The following ARHGEF17 variants were observed in gnomAD, a reference collection of about 807,000 sequenced individuals.
ARHGEF17 encodes 164 kDa Rho-specific guanine-nucleotide exchange factor.
In ARHGEF17, 80 loss-of-function variants were observed where a neutral mutation model predicts 174.0. The observed-to-expected ratio is 0.46, with a 90% CI of 0.38 to 0.55. ARHGEF17 has a LOEUF of 0.55. ARHGEF17 is among the 20% of genes least tolerant of loss of function. The pLI, the probability that ARHGEF17 is intolerant of heterozygous loss-of-function variation, is 0.00. For missense variants in ARHGEF17, 2,886 were observed against 2,839.7 expected, an observed-to-expected ratio of 1.02 and a Z score of -0.37; for synonymous variants, 1,311 against 1,189.1, an observed-to-expected ratio of 1.10 and a Z score of -2.11.
In ARHGEF17 at chr11:73,362,582, C is replaced by T. The variant is rs751091512; in HGVS notation, c.4844C>T (p.Ser1615Leu). The T allele has an allele frequency of 2.5e-6, 4 of 1,610,146 alleles. No individual in the cohort carries two copies. The highest frequency in any genetic ancestry group is 1.3e-5 in the African/African-American group (1 of 74,946). Residue 1615 changes from serine (S) to leucine (L), a missense_variant, in exon 14 of 21, where the codon TCG becomes TTG. Coordinates refer to ENST00000263674, the MANE Select transcript of ARHGEF17 (RefSeq NM_014786.4). ...QPCLHISIAG[S>L]GLEMTPGLGE... ...TGCCTTCACATCTCCATTGCAGGCT[C>T]GGGCTTGGAGATGACGCCGGGCCTC... is the stretch of plus-strand genomic sequence containing the variant.
rs763499115 is a variant in ARHGEF17, at chr11:73,364,242, G to A, written c.5401+3G>A. On this transcript the variant is annotated splice_donor_region_variant and intron_variant, in intron 17 of 20. Transcript: ENST00000263674. ...TGTGGTCTACCAAAGGGAAGCAGGT[G>A]AGTATCTGCCCTCCCCCACACCCTG... is the stretch of plus-strand genomic sequence containing the variant. 5 of 1,614,044 alleles carry A rather than the reference G, an allele frequency of 3.1e-6. No homozygotes were observed. In the Middle Eastern group the frequency reaches 4.9e-4, roughly 160 times the overall value.
rs1252858507 is a variant in ARHGEF17 at position 73,355,911 on chromosome 11, C to G, written c.3621C>G (p.Ile1207Met). 1 of 1,614,188 alleles carries G rather than the reference C, an allele frequency of 6.2e-7. No homozygotes were observed. Among genetic ancestry groups the G allele is most frequent in the Non-Finnish European group, 8.5e-7 (1 of 1,180,038 alleles). ...AGCAGGCGCTGTCTGACCTCATGATCAAGCCTGTGCAGCGGATCCCACGCT... is the reference window on the plus strand; with the variant it reads ...AGCAGGCGCTGTCTGACCTCATGATGAAGCCTGTGCAGCGGATCCCACGCT... ...KEKQALSDLM[I>M]KPVQRIPRYE... is the part of the protein sequence containing the mutation. The change falls in exon 5 of 21, where the codon ATC (isoleucine) becomes ATG (methionine). Residue 1207 changes from isoleucine (I) to methionine (M), a missense_variant. Physicochemically the swap from Ile to Met is conservative, Grantham distance 10. Transcript: ENST00000263674.
rs374814851 is a variant in ARHGEF17 at position 73,310,671 on chromosome 11, C to T, written c.2033C>T (p.Thr678Met). The stretch of plus-strand genomic sequence containing the variant: ...CCTCTTTCCTCATCCTCGGCCCAGA[C>T]GAACCACCATGGCCCTGGGACTGAG... The part of the protein sequence containing the change: ...WRPLSSSSAQ[T>M]NHHGPGTEDS... The change falls in exon 1 of 21, where the codon ACG becomes ATG. Residue 678 changes from threonine to methionine, a missense_variant. Thr to Met is a moderately conservative substitution (Grantham distance 81). Around this residue, in one of 4 missense-constraint regions of ARHGEF17, gnomAD observed 1,728 missense variants for 1,461.2 expected, o/e 1.18. Coordinates refer to ENST00000263674, the MANE Select transcript of ARHGEF17 (RefSeq NM_014786.4). 4 of 1,613,936 alleles carry T rather than the reference C, an allele frequency of 2.5e-6. No homozygotes were observed. The highest frequency in any genetic ancestry group is 2.2e-5 in the East Asian group (1 of 44,880).
rs906348679 is a variant in ARHGEF17, at chr11:73,367,990, G to A, written c.*210G>A. On this transcript the variant is annotated 3_prime_UTR_variant, in exon 21 of 21. Transcript: ENST00000263674. ...CTTCTCCCGACCCTCTGGCTGCCCC[G>A]GTGCTTCCAGTCATGATCGGGTGGG... 3.3e-5 allele frequency: 18 copies of A among 542,778 alleles called. No individual in the cohort carries two copies. Among genetic ancestry groups the A allele is most frequent in the Admixed American group, 9.8e-5 (3 of 30,694 alleles). The allele number at this position is 542,778 out of a possible 1,614,324, so 33.6% of individuals were successfully genotyped here. A position where few individuals can be genotyped will look rare whatever the true frequency, so the allele number is the denominator to read the frequency against.
intron 11 of ARHGEF17, among the ~76,000 whole-genome samples, chr11:73,360,753 T>C (rs1315433410): frequency 6.6e-6 from 1 of 152,176 alleles, no homozygotes; most frequent in Non-Finnish European, 1.5e-5. Context: ...TCTCACTGTC[T>C]GCTGGACCTG....
chr11:73,352,287 G>C (rs1053310211), intron 2 of ARHGEF17, among the ~76,000 whole-genome samples: 1 of 152,162 alleles, frequency 6.6e-6, no homozygotes, highest in African/African-American at 2.4e-5. Context: ...TCGCACCACC[G>C]CACTCCAGCC....
In ARHGEF17 at chr11:73,364,444, C is replaced by G. The variant is rs762590642; in HGVS notation, c.5402-8C>G. ...AGTGAATTTCCTGTTTTCTTTACCCCACTCCAGGCCATTTCTGGGACCCCC... is the reference window on the plus strand; with the variant it reads ...AGTGAATTTCCTGTTTTCTTTACCCGACTCCAGGCCATTTCTGGGACCCCC... On this transcript the variant is annotated splice_region_variant and splice_polypyrimidine_tract_variant and intron_variant, in intron 17 of 20. Coordinates refer to ENST00000263674, the MANE Select transcript of ARHGEF17 (RefSeq NM_014786.4). 1.4e-5 allele frequency: 22 copies of G among 1,613,100 alleles called. No individual in the cohort carries two copies. In the Admixed American group the frequency reaches 3.3e-4, roughly 24 times the overall value.
chr11:73,331,872 TTTC>T (rs1445505927), intron 1 of ARHGEF17, among the ~76,000 whole-genome samples: 1 of 151,874 alleles, frequency 6.6e-6, no homozygotes, highest in African/African-American at 2.4e-5. Flanking sequence ...GTGGAGGAAA[TTTC>T]TTCCTGAGGT....
chr11:73,357,012 T>C lies in ARHGEF17; in HGVS notation c.3892-13T>C. 3 of 1,613,882 alleles carry C rather than the reference T, an allele frequency of 1.9e-6. No homozygotes were observed. Among genetic ancestry groups the C allele is most frequent in the Non-Finnish European group, 2.5e-6 (3 of 1,179,826 alleles). On this transcript the variant is annotated splice_polypyrimidine_tract_variant and intron_variant, in intron 7 of 20. Coordinates refer to ENST00000263674, the MANE Select transcript of ARHGEF17 (RefSeq NM_014786.4). ...GTGTCCACCCAGCCTGAATTCTGCC[T>C]TGGGCTCCACAGAAGGCGATCGGTG... is the stretch of plus-strand genomic sequence containing the variant.
At position 73,368,565 on chromosome 11, in the gene ARHGEF17, T is replaced by G. The variant is rs780734798; in HGVS notation, c.*785T>G. The G allele has an allele frequency of 6.6e-6, 1 of 152,210 alleles. No homozygotes were observed. The highest frequency in any genetic ancestry group is 2.4e-5 in the African/African-American group (1 of 41,428). The allele number at this position is 152,210 out of a possible 1,614,324, so 9.4% of individuals were successfully genotyped here. A position where few individuals can be genotyped will look rare whatever the true frequency, so the allele number is the denominator to read the frequency against. Reference sequence around the variant, plus strand: ...GTGGTGCCTTTAGTGGTTCCCTAATTTGGGAACACTGATGGGGCCTTGGAC... The same window carrying G: ...GTGGTGCCTTTAGTGGTTCCCTAATGTGGGAACACTGATGGGGCCTTGGAC... On this transcript the variant is annotated 3_prime_UTR_variant, in exon 21 of 21. Transcript: ENST00000263674.
At chr11:73,326,412 C>T (rs1865102385) in intron 1 of ARHGEF17, among the ~76,000 whole-genome samples, 1 of 152,150 alleles carries the variant, frequency 6.6e-6, no homozygotes, top group Non-Finnish European at 1.5e-5. Context: ...AAAGCCTGGA[C>T]TTGATCCCAG....
chr11:73,362,421 G>T lies in ARHGEF17; in HGVS notation c.4695-12G>T. 2.0e-6 allele frequency: 3 copies of T among 1,537,360 alleles called. No homozygotes were observed. The highest frequency in any genetic ancestry group is 8.7e-7 in the Non-Finnish European group (1 of 1,147,808). On this transcript the variant is annotated splice_polypyrimidine_tract_variant and intron_variant, in intron 13 of 20. Coordinates refer to ENST00000263674, the MANE Select transcript of ARHGEF17 (RefSeq NM_014786.4). ...TCGTAGCTGCTGTCATCCTCACTCC[G>T]TCTTCTCGCAGGGAGCCTCCTCCGT...
intron 9 of ARHGEF17, among the ~76,000 whole-genome samples, 179 bp downstream of exon 9, chr11:73,357,506 G>A (rs1865665155): frequency 6.6e-6 from 1 of 152,242 alleles, no homozygotes; most frequent in African/African-American, 2.4e-5. Flanking sequence ...CATGGAGCCA[G>A]ACAGTCTGTC....
intron 1 of ARHGEF17, among the ~76,000 whole-genome samples, chr11:73,344,304 C>G (rs141430737): frequency 5.9e-4 from 90 of 152,368 alleles, no homozygotes; most frequent in Admixed American, 1.7e-3. Flanking sequence ...GAGGGCTGCT[C>G]GCGCAGTGAC....
Position 73,343,235 on chromosome 11 carries a change from C to T in ARHGEF17, c.3193-3648C>T. 1.3e-5 allele frequency: 5 copies of T among 398,658 alleles called. No individual in the cohort carries two copies. The East Asian group carries it at 1.8e-4, about 14-fold the overall frequency. The allele number at this position is 398,658 out of a possible 1,614,324, so 24.7% of individuals were successfully genotyped here. ...CAGCCGCCGCCTCCGGGGAGCCTGCCGGGGGCAGCAGCACTGACGCCGAGG... is the reference window on the plus strand; with the variant it reads ...CAGCCGCCGCCTCCGGGGAGCCTGCTGGGGGCAGCAGCACTGACGCCGAGG... On this transcript the variant is annotated intron_variant, in intron 1 of 20. Transcript: ENST00000263674.
chr11:73,348,768 A>G (rs895334734), intron 2 of ARHGEF17, among the ~76,000 whole-genome samples: 3 of 152,224 alleles, frequency 2.0e-5, no homozygotes, highest in Admixed American at 1.3e-4. Context: ...ATTTTATATT[A>G]TATGTATTTT....
chr11:73,350,190 C>T (rs56151449), intron 2 of ARHGEF17, among the ~76,000 whole-genome samples: 2,394 of 152,252 alleles, frequency 0.016, 81 homozygotes, highest in African/African-American at 0.055. Context: ...ATTCTTTATA[C>T]AAAGAAACGA....
In ARHGEF17 at chr11:73,365,379, G is replaced by T; in HGVS notation, c.5551-11G>T. Reference sequence around the variant, plus strand: ...CTGCCAATGACCCATCTTCTCCCCCGCCTTCCCCAGCACATGTTTTACGTG... The same window carrying T: ...CTGCCAATGACCCATCTTCTCCCCCTCCTTCCCCAGCACATGTTTTACGTG... On this transcript the variant is annotated splice_polypyrimidine_tract_variant and intron_variant, in intron 18 of 20. Coordinates refer to ENST00000263674, the MANE Select transcript of ARHGEF17 (RefSeq NM_014786.4). The surrounding 1 kb of genome is among the most constrained non-coding windows in gnomAD (Gnocchi z 4.9). 1 of 1,613,604 alleles carries T rather than the reference G, an allele frequency of 6.2e-7. No homozygotes were observed. The highest frequency in any genetic ancestry group is 8.5e-7 in the Non-Finnish European group (1 of 1,179,880).
chr11:73,360,006 C>G, intron 10 of ARHGEF17, 54 bp downstream of exon 10: 1 of 1,471,578 alleles, frequency 6.8e-7, no homozygotes, highest in East Asian at 2.3e-5. Context: ...GCTTCTGACC[C>G]TGTCTGAGAG....
Sources: gnomAD v4.1 joint callset for allele counts (sites outside exome capture counted in the v4.1 genomes callset) on GRCh38, gnomAD v4.1.1 for gene constraint, gnomAD v4.1.1 regional missense constraint, Gnocchi (gnomAD v3.1) non-coding constraint, MANE v1.5 for transcripts, NCBI Gene and HGNC (gene_info 2026-07-23, HGNC 2026-07-21) for gene names.